KCNC2: variants seen among roughly 807,000 people sequenced by gnomAD.
KCNC2 encodes potassium voltage-gated channel subfamily C member 2.
Under a neutral mutation model 44.5 loss-of-function variants are expected in KCNC2, and 21 were observed. That is an observed-to-expected ratio of 0.47 (90% confidence interval 0.33 to 0.68). The LOEUF is 0.68. KCNC2 is among the 30% of genes least tolerant of loss of function. The pLI is 0.01. For synonymous variants in KCNC2, 391 were observed against 339.1 expected (o/e 1.15, Z -1.68); for missense variants, 589 against 826.2 (o/e 0.71, Z 3.52).
chr12:75,127,156 A>T (rs1565876324), intron 2 of KCNC2, among the ~76,000 whole-genome samples: 2 of 152,186 alleles, frequency 1.3e-5, no homozygotes, highest in African/African-American at 4.8e-5. Context: ...AGTCTGTAAC[A>T]ATCTCTGTAC....
chr12:75,152,577 T>A (rs1890480114), intron 2 of KCNC2, among the ~76,000 whole-genome samples: 1 of 151,968 alleles, frequency 6.6e-6, no homozygotes, highest in Non-Finnish European at 1.5e-5. Context: ...ATTCCAGATA[T>A]AAGATTGAAG....
chr12:75,144,713 A>T (rs1212502103), intron 2 of KCNC2, among the ~76,000 whole-genome samples: 2 of 152,054 alleles, frequency 1.3e-5, no homozygotes, highest in Non-Finnish European at 2.9e-5. Context: ...GTCCTTATTT[A>T]TAGCCTAACT....
intron 2 of KCNC2, among the ~76,000 whole-genome samples, chr12:75,074,456 T>A (rs1316962188): frequency 6.6e-6 from 1 of 152,092 alleles, no homozygotes; most frequent in Non-Finnish European, 1.5e-5. Flanking sequence ...TGCTACCTGA[T>A]CAATTCTACT....
At position 75,054,190 on chromosome 12, in the gene KCNC2, C is replaced by T. The variant is rs7974730; in HGVS notation, c.688-2873G>A. ...GCAGTGAGCCAAGATTGTGCCACTA[C>T]ACTCGAGCCTGGGCAACAGAGAGAG... is the stretch of plus-strand genomic sequence containing the variant. On this transcript the variant is annotated intron_variant, in intron 2 of 4. Transcript: ENST00000549446. 9.0e-3 allele frequency among the ~76,000 whole-genome samples: 1,360 copies of T among 151,126 alleles called. 77 individuals are homozygous for T. The East Asian group carries it at 0.15, about 17-fold the overall frequency.
chr12:75,175,348 T>TA (rs1287235783), intron 2 of KCNC2, among the ~76,000 whole-genome samples: 2 of 151,970 alleles, frequency 1.3e-5, no homozygotes, highest in African/African-American at 4.8e-5. Context: ...ATGAGATAAA[T>TA]ATCATTAGGG....
intron 2 of KCNC2, among the ~76,000 whole-genome samples, chr12:75,059,717 C>T (rs1015141133): frequency 4.6e-5 from 7 of 151,956 alleles, no homozygotes; most frequent in African/African-American, 1.7e-4. Context: ...CAAAGTTAAT[C>T]TTCAATACAA....
Position 75,041,761 on chromosome 12 carries a change from T to C in KCNC2, c.*1344A>G. 1.0e-6 allele frequency: 1 copy of C among 991,532 alleles called. No individual in the cohort carries two copies. The highest frequency in any genetic ancestry group is 1.2e-6 in the Non-Finnish European group (1 of 833,422). The allele number at this position is 991,532 out of a possible 1,614,324, so 61.4% of individuals were successfully genotyped here. On this transcript the variant is annotated 3_prime_UTR_variant, in exon 5 of 5. Transcript: ENST00000549446. ...GAAATTGCTGCTTAAACCCTGCTTATCAAAAAGATTCACAGTGCCGATTAA... is the reference window on the plus strand; with the variant it reads ...GAAATTGCTGCTTAAACCCTGCTTACCAAAAAGATTCACAGTGCCGATTAA...
At chr12:75,185,252 T>C (rs1365524832) in intron 2 of KCNC2, among the ~76,000 whole-genome samples, 2 of 152,306 alleles carry the variant, frequency 1.3e-5, no homozygotes, top group East Asian at 3.9e-4. Flanking sequence ...ACTAAGGTTA[T>C]GTGATTGATA....
chr12:75,184,405 A>G (rs1892796484), intron 2 of KCNC2, among the ~76,000 whole-genome samples: 1 of 152,188 alleles, frequency 6.6e-6, no homozygotes, highest in African/African-American at 2.4e-5. Context: ...AAGTAAACTT[A>G]AGCTAATACA....
chr12:75,109,378 G>C (rs1258039982), intron 2 of KCNC2, among the ~76,000 whole-genome samples: 1 of 152,064 alleles, frequency 6.6e-6, no homozygotes, highest in African/African-American at 2.4e-5. Context: ...CAGAAACAAG[G>C]GGCCTGAAGT....
intron 4 of KCNC2, chr12:75,043,817 G>T: frequency 1.4e-6 from 2 of 1,434,652 alleles, no homozygotes; most frequent in Non-Finnish European, 9.3e-7. Context: ...CTAATTCCTT[G>T]GGTAAGAAAA....
At chr12:75,146,130 A>C (rs1221775898) in intron 2 of KCNC2, among the ~76,000 whole-genome samples, 5 of 151,794 alleles carry the variant, frequency 3.3e-5, no homozygotes, top group Non-Finnish European at 7.4e-5. Context: ...AATATTTTGC[A>C]TTTCTAGTAG....
chr12:75,073,721 GT>G (rs375493046), intron 2 of KCNC2, among the ~76,000 whole-genome samples: 30 of 152,274 alleles, frequency 2.0e-4, no homozygotes, highest in Admixed American at 7.2e-4. Context: ...GAATGTGTTT[GT>G]TGAATAAGCC....
chr12:75,174,474 A>AT (rs757523328), intron 2 of KCNC2, among the ~76,000 whole-genome samples: 63 of 152,026 alleles, frequency 4.1e-4, no homozygotes, highest in Middle Eastern at 3.4e-3. Flanking sequence ...GCAAATGCCT[A>AT]TTTTACCTTG....
At chr12:75,181,635 T>G (rs1415743414) in intron 2 of KCNC2, among the ~76,000 whole-genome samples, 1 of 152,082 alleles carries the variant, frequency 6.6e-6, no homozygotes, top group Non-Finnish European at 1.5e-5. Context: ...CTAATAAGAG[T>G]ATAATGTCCA....
chr12:75,067,877 C>CAA (rs371485292), intron 2 of KCNC2, among the ~76,000 whole-genome samples: 4 of 144,410 alleles, frequency 2.8e-5, no homozygotes, highest in African/African-American at 1.0e-4. Flanking sequence ...ACTCTTAGGG[C>CAA]AAAAAAAAAA....
At chr12:75,079,813 A>G (rs189174306) in intron 2 of KCNC2, among the ~76,000 whole-genome samples, 3 of 152,284 alleles carry the variant, frequency 2.0e-5, no homozygotes, top group African/African-American at 7.2e-5. Context: ...TGAGACATAC[A>G]CTTTGGCATT....
intron 2 of KCNC2, among the ~76,000 whole-genome samples, chr12:75,115,085 G>C (rs897052640): frequency 6.6e-6 from 1 of 151,830 alleles, no homozygotes; most frequent in African/African-American, 2.4e-5. Flanking sequence ...GGATGGTCTC[G>C]ATCTCCTGAC....
chr12:75,042,206 A>T lies in KCNC2; in HGVS notation c.*899T>A. On this transcript the variant is annotated 3_prime_UTR_variant, in exon 5 of 5. Transcript: ENST00000549446. The stretch of plus-strand genomic sequence containing the variant: ...CTGAAAATGATGACAAACCCTGGGT[A>T]TTTTTTTTTTTTAAAGAGTCTAGAA... 1 of 1,057,124 alleles carries T rather than the reference A, an allele frequency of 9.5e-7. No homozygotes were observed. Among genetic ancestry groups the T allele is most frequent in the Non-Finnish European group, 1.3e-6 (1 of 797,792 alleles). 65.5% of individuals were successfully genotyped at this position (1,057,124 alleles called of 1,614,324 possible). A position where few individuals can be genotyped will look rare whatever the true frequency, so the allele number is the denominator to read the frequency against.
Sources: allele counts gnomAD v4.1 joint callset (sites outside exome capture counted in the v4.1 genomes callset), GRCh38; gene constraint gnomAD v4.1.1; transcripts MANE v1.5; gene names NCBI Gene and HGNC (gene_info 2026-07-23, HGNC 2026-07-21).